The following SYNE2 variants were observed in gnomAD, a reference collection of about 807,000 sequenced individuals.
The protein encoded by SYNE2 is nesprin-2.
A neutral mutation model predicts 856.3 loss-of-function variants in SYNE2; 431 were observed. The observed-to-expected ratio is 0.50, with a 90% CI of 0.47 to 0.55. SYNE2 has a LOEUF of 0.55. SYNE2 is among the 20% of genes least tolerant of loss of function. The pLI is 0.00. For synonymous variants in SYNE2, 2,923 were observed against 2,872.3 expected, an observed-to-expected ratio of 1.02 and a Z score of -0.56; for missense variants, 8,129 against 8,023.2, an observed-to-expected ratio of 1.01 and a Z score of -0.50.
At chr14:63,988,927 G>A (rs1394792255) in intron 19 of SYNE2, among the ~76,000 whole-genome samples, 1 of 152,116 alleles carries the variant, frequency 6.6e-6, no homozygotes, top group Non-Finnish European at 1.5e-5. Flanking sequence ...ATGAGATTTG[G>A]GTGGGGACAC....
chr14:64,093,259 T>G, intron 60 of SYNE2, 90 bp from the exon 61 acceptor site: 1 of 1,506,144 alleles, frequency 6.6e-7, no homozygotes, highest in Non-Finnish European at 9.1e-7. Context: ...TGTGAGTGAT[T>G]AAAACTTCCA....
intron 7 of SYNE2, among the ~76,000 whole-genome samples, chr14:63,954,062 T>A (rs1255872): frequency 0.68 from 103,042 of 152,006 alleles, 35,184 homozygotes; most frequent in South Asian, 0.76. Flanking sequence ...TGCAGGCATG[T>A]GCCAACGTCC....
chr14:63,884,801 CATATAT>C (rs112717077), intron 1 of SYNE2, among the ~76,000 whole-genome samples: 1 of 150,180 alleles, frequency 6.7e-6, no homozygotes, highest in South Asian at 2.1e-4. Flanking sequence ...GCCTTTGAAA[CATATAT>C]ATATATATAT....
At chr14:63,949,611 G>A (rs971047915) in intron 6 of SYNE2, among the ~76,000 whole-genome samples, 2 of 152,178 alleles carry the variant, frequency 1.3e-5, no homozygotes, top group Admixed American at 6.5e-5. Context: ...GCCTGGGTGA[G>A]GGTAAGGAAT....
chr14:64,106,965 GA>G (rs1374301033), intron 64 of SYNE2, among the ~76,000 whole-genome samples: 1 of 151,964 alleles, frequency 6.6e-6, no homozygotes, highest in African/African-American at 2.4e-5. Flanking sequence ...TTCCTAAATG[GA>G]ATAAATTCAC....
intron 80 of SYNE2, 21 bp from the exon 81 acceptor site, chr14:64,141,320 A>C (rs1398277623): frequency 6.2e-7 from 1 of 1,603,520 alleles, no homozygotes; most frequent in African/African-American, 1.3e-5. Flanking sequence ...TAAGTTTCTA[A>C]ATTTTAAAAC....
rs78639975 is a variant in SYNE2, at chr14:63,909,322, G to C, written c.79+95G>C. The C allele has an allele frequency of 4.4e-3, 3,300 of 752,562 alleles. 68 individuals are homozygous for C. In the African/African-American group the frequency reaches 0.051, roughly 12 times the overall value. The allele number at this position is 752,562 out of a possible 1,614,324, so 46.6% of individuals were successfully genotyped here. A position where few individuals can be genotyped will look rare whatever the true frequency, so the allele number is the denominator to read the frequency against. ...CACACTGATTTTCGTCTCTCTTATG[G>C]AGATAAATATATCTGTATTTTTCCA... On this transcript the variant is annotated intron_variant, in intron 2 of 115. Coordinates refer to ENST00000555002, the MANE Select transcript of SYNE2 (RefSeq NM_182914.3).
At chr14:63,877,740 T>C (rs541322373) in intron 1 of SYNE2, among the ~76,000 whole-genome samples, 1 of 152,336 alleles carries the variant, frequency 6.6e-6, no homozygotes, top group South Asian at 2.1e-4. Context: ...GTGTTCCCTA[T>C]GTGTGTGTTC....
intron 11 of SYNE2, among the ~76,000 whole-genome samples, chr14:63,969,250 A>C (rs1460398248): frequency 6.6e-6 from 1 of 151,080 alleles, no homozygotes; most frequent in African/African-American, 2.4e-5. Context: ...GCTCATTGCA[A>C]ACTCTGACTC....
At position 64,165,275 on chromosome 14, in the gene SYNE2, C is replaced by G. The variant is rs768388576; in HGVS notation, c.16480-10C>G. On this transcript the variant is annotated splice_polypyrimidine_tract_variant and intron_variant, in intron 89 of 115. Transcript: ENST00000555002. ...AAAATAGTTTCTAATGAAAATTTCT[C>G]TTGTTCTAGTTTGTTCTCTCACAGT... 80 of 1,613,088 alleles carry G rather than the reference C, an allele frequency of 5.0e-5. No homozygotes were observed. Among genetic ancestry groups the G allele is most frequent in the Non-Finnish European group, 6.4e-5 (76 of 1,179,216 alleles).
rs2096982369 is a variant in SYNE2 at position 64,026,743 on chromosome 14, C to G, written c.6404+13C>G. 1 of 1,598,972 alleles carries G rather than the reference C, an allele frequency of 6.3e-7. No individual in the cohort carries two copies. The highest frequency in any genetic ancestry group is 8.5e-7 in the Non-Finnish European group (1 of 1,172,178). ...GCACCTACCTAAGGTAAAGGGCATG[C>G]CTGCACCACTTGCATCATATCCCAT... On this transcript the variant is annotated intron_variant, in intron 42 of 115. Coordinates refer to ENST00000555002, the MANE Select transcript of SYNE2 (RefSeq NM_182914.3).
At chr14:64,210,664 T>G (rs1212265257) in intron 103 of SYNE2, among the ~76,000 whole-genome samples, 1 of 152,232 alleles carries the variant, frequency 6.6e-6, no homozygotes, top group East Asian at 1.9e-4. Context: ...ATTTCTGTCA[T>G]TCAGAAGATG....
At chr14:64,050,241 A>T (rs1037553447) in intron 47 of SYNE2, among the ~76,000 whole-genome samples, 1 of 152,110 alleles carries the variant, frequency 6.6e-6, no homozygotes, top group Non-Finnish European at 1.5e-5. Context: ...AGTCTCTTTT[A>T]TAAGGGCTCT....
intron 2 of SYNE2, among the ~76,000 whole-genome samples, chr14:63,919,619 A>C (rs2095572767): frequency 6.6e-6 from 1 of 152,200 alleles, no homozygotes; most frequent in South Asian, 2.1e-4. Flanking sequence ...GAGGAGGAAC[A>C]AGGAAAGGAC....
intron 1 of SYNE2, among the ~76,000 whole-genome samples, chr14:63,845,262 A>C (rs1342427915): frequency 6.6e-6 from 1 of 152,134 alleles, no homozygotes; most frequent in Non-Finnish European, 1.5e-5. Context: ...CTAAAATTAC[A>C]AAAATTAGCC....
At chr14:64,156,401 AATG>A (rs2098285671) in intron 85 of SYNE2, among the ~76,000 whole-genome samples, 1 of 152,000 alleles carries the variant, frequency 6.6e-6, no homozygotes, top group Non-Finnish European at 1.5e-5. Context: ...TTCTAGCAAA[AATG>A]TACATCGATG....
rs1033462217 is a variant in SYNE2, at chr14:64,000,686, G to C, written c.3605G>C (p.Arg1202Thr). Residue 1202 changes from arginine to threonine, a missense_variant, in exon 28 of 116, where the codon AGA (arginine) becomes ACA (threonine). By Grantham distance (71) the Arg-to-Thr change is moderately conservative. Coordinates refer to ENST00000555002, the MANE Select transcript of SYNE2 (RefSeq NM_182914.3). ...VIKERDTLKE[R>T]ERELQMTLNT... ...AAGGAAAGAGACACACTAAAGGAAA[G>C]AGAAAGAGAGCTTCAGATGACTCTT... 1 of 1,613,092 alleles carries C rather than the reference G, an allele frequency of 6.2e-7. No homozygotes were observed. Among genetic ancestry groups the C allele is most frequent in the Non-Finnish European group, 8.5e-7 (1 of 1,179,662 alleles).
chr14:63,844,349 G>A (rs373369657), intron 1 of SYNE2, among the ~76,000 whole-genome samples: 1 of 152,142 alleles, frequency 6.6e-6, no homozygotes, highest in African/African-American at 2.4e-5. Context: ...TGGTTTGGTA[G>A]CTCATTTCTT....
At position 64,027,719 on chromosome 14, in the gene SYNE2, A is replaced by G. The variant is rs754814247; in HGVS notation, c.6640A>G (p.Lys2214Glu). 3.1e-6 allele frequency: 5 copies of G among 1,614,140 alleles called. No individual in the cohort carries two copies. Among genetic ancestry groups the G allele is most frequent in the Non-Finnish European group, 4.2e-6 (5 of 1,179,986 alleles). The change falls in exon 43 of 116, where the codon AAA (lysine) becomes GAA (glutamate). Residue 2214 changes from lysine to glutamate, a missense_variant. Lys to Glu is a moderately conservative substitution (Grantham distance 56, BLOSUM62 1). Coordinates refer to ENST00000555002, the MANE Select transcript of SYNE2 (RefSeq NM_182914.3). ...SQGNYLLECTKNPSFSEEPWL... is the reference protein window; with the variant it reads ...SQGNYLLECTENPSFSEEPWL... ...GGGAAACTACCTCTTGGAGTGCACT[A>G]AAAATCCCAGCTTCAGTGAAGAGCC...
Sources: gnomAD v4.1 joint callset for allele counts (sites outside exome capture counted in the v4.1 genomes callset) on GRCh38, gnomAD v4.1.1 for gene constraint, MANE v1.5 for transcripts, NCBI Gene and HGNC (gene_info 2026-07-23, HGNC 2026-07-21) for gene names.